Variants in DTWD1 observed in about 807,000 individuals in gnomAD.
The protein encoded by DTWD1 is tRNA-uridine aminocarboxypropyltransferase 1.
In DTWD1, 27 loss-of-function variants were observed where a neutral mutation model predicts 30.2. The ratio of observed to expected loss-of-function variants is 0.90; its 90% CI spans 0.66 to 1.23. The LOEUF (loss-of-function observed/expected upper bound fraction) is 1.23. Ranked by LOEUF, DTWD1 falls within the 50% of genes most tolerant of loss-of-function variation. The pLI, the probability that DTWD1 is intolerant of heterozygous loss-of-function variation, is 0.00. For missense variants in DTWD1, 342 were observed against 348.8 expected, an observed-to-expected ratio of 0.98 and a Z score of 0.15; for synonymous variants, 99 against 113.1, an observed-to-expected ratio of 0.88 and a Z score of 0.79.
At chr15:49,631,288 G>T (rs191217736) in intron 2 of DTWD1, among the ~76,000 whole-genome samples, 1 of 152,016 alleles carries the variant, frequency 6.6e-6, no homozygotes, top group Non-Finnish European at 1.5e-5. Context: ...CACCTCTTAG[G>T]TCTATTGTTA....
At position 49,625,298 on chromosome 15, in the gene DTWD1, A is replaced by G. The variant is rs2078826760; in HGVS notation, c.131A>G (p.Gln44Arg). Residue 44 changes from glutamine (Q) to arginine (R), a missense_variant, in exon 2 of 5, where the codon CAA becomes CGA. By Grantham distance (43) the Gln-to-Arg change is conservative. Coordinates refer to ENST00000403028, the MANE Select transcript of DTWD1 (RefSeq NM_001144955.2). ...CTTCAAAACTTATGTTTAGCATCTC[A>G]AGAAGTTCTTCAAAAAGCTCAGCAA... ...DPLQNLCLAS[Q>R]EVLQKAQQSG... The G allele has an allele frequency of 6.2e-7, 1 of 1,604,180 alleles. No homozygotes were observed.
rs905110897 is a variant in DTWD1, at chr15:49,653,097, G to C, written c.*9519G>C. The C allele has an allele frequency of 6.6e-6, 1 of 152,094 alleles. No homozygotes were observed. The highest frequency in any genetic ancestry group is 1.5e-5 in the Non-Finnish European group (1 of 68,024). The allele number at this position is 152,094 out of a possible 1,614,324, so 9.4% of individuals were successfully genotyped here. A position where few individuals can be genotyped will look rare whatever the true frequency, so the allele number is the denominator to read the frequency against. On this transcript the variant is annotated 3_prime_UTR_variant, in exon 5 of 5. Transcript: ENST00000403028. ...ATTCAGCAATAGATAACAGAAATTGGTATCAGGAGTGGGGTGTTACCATAA... is the reference window on the plus strand; with the variant it reads ...ATTCAGCAATAGATAACAGAAATTGCTATCAGGAGTGGGGTGTTACCATAA...
chr15:49,623,113 C>A (rs912755812), intron 1 of DTWD1, among the ~76,000 whole-genome samples: 6 of 152,198 alleles, frequency 3.9e-5, no homozygotes, highest in Non-Finnish European at 7.3e-5. Flanking sequence ...ACAGGAACTA[C>A]ATTTTTCAGT....
At position 49,652,419 on chromosome 15, in the gene DTWD1, A is replaced by C. The variant is rs1004730123; in HGVS notation, c.*8841A>C. The C allele has an allele frequency of 6.6e-6, 1 of 152,086 alleles. No individual in the cohort carries two copies. The highest frequency in any genetic ancestry group is 2.4e-5 in the African/African-American group (1 of 41,420). The allele number at this position is 152,086 out of a possible 1,614,324, so 9.4% of individuals were successfully genotyped here. A position where few individuals can be genotyped will look rare whatever the true frequency, so the allele number is the denominator to read the frequency against. ...TGGTGCCCAAGTGATAAACCTACCA[A>C]ATTGAGACTAATGTGTAGGTGTGGC... On this transcript the variant is annotated 3_prime_UTR_variant, in exon 5 of 5. Coordinates refer to ENST00000403028, the MANE Select transcript of DTWD1 (RefSeq NM_001144955.2).
intron 2 of DTWD1, among the ~76,000 whole-genome samples, chr15:49,628,373 T>G (rs1295280306): frequency 6.6e-6 from 1 of 152,258 alleles, no homozygotes; most frequent in African/African-American, 2.4e-5. Context: ...AGCAAATATA[T>G]AAACCAGTAA....
chr15:49,632,336 G>A (rs1313687633), intron 3 of DTWD1, 34 bp downstream of exon 3: 1 of 1,552,418 alleles, frequency 6.4e-7, no homozygotes, highest in Non-Finnish European at 8.6e-7. Context: ...TCTTCACATT[G>A]GATATAAAAA....
In DTWD1 at chr15:49,646,447, A is replaced by G. The variant is rs776030686; in HGVS notation, c.*2869A>G. The G allele has an allele frequency of 6.6e-6, 1 of 152,080 alleles. No homozygotes were observed. Among genetic ancestry groups the G allele is most frequent in the Non-Finnish European group, 1.5e-5 (1 of 68,042 alleles). 9.4% of individuals were successfully genotyped at this position (152,080 alleles called of 1,614,324 possible). On this transcript the variant is annotated 3_prime_UTR_variant, in exon 5 of 5. Transcript: ENST00000403028. ...AACAGATTACCAGCAGGTTTGTATG[A>G]TTCCTCTGCTTGAGATCAATTAGCC...
intron 2 of DTWD1, chr15:49,631,203 CCTT>C (rs2078916022): frequency 6.1e-6 from 1 of 163,942 alleles, no homozygotes; most frequent in African/African-American, 2.4e-5. Context: ...CGAAACCAGT[CCTT>C]CTTGGTGCCA....
Position 49,653,100 on chromosome 15 carries a change from T to C in DTWD1, c.*9522T>C, listed in dbSNP as rs1333181733. 6.6e-6 allele frequency: 1 copy of C among 152,136 alleles called. No individual in the cohort carries two copies. Among genetic ancestry groups the C allele is most frequent in the Non-Finnish European group, 1.5e-5 (1 of 68,016 alleles). 9.4% of individuals were successfully genotyped at this position (152,136 alleles called of 1,614,324 possible). ...CAGCAATAGATAACAGAAATTGGTATCAGGAGTGGGGTGTTACCATAACAA... is the reference window on the plus strand; with the variant it reads ...CAGCAATAGATAACAGAAATTGGTACCAGGAGTGGGGTGTTACCATAACAA... On this transcript the variant is annotated 3_prime_UTR_variant, in exon 5 of 5. Coordinates refer to ENST00000403028, the MANE Select transcript of DTWD1 (RefSeq NM_001144955.2).
chr15:49,622,318 C>A (rs910869163), intron 1 of DTWD1, among the ~76,000 whole-genome samples: 7 of 152,090 alleles, frequency 4.6e-5, no homozygotes, highest in African/African-American at 1.7e-4. Context: ...AATAAGTACT[C>A]AAAGAGGTTT....
At chr15:49,630,074 C>T (rs2078899134) in intron 2 of DTWD1, 1 of 152,046 alleles carries the variant, frequency 6.6e-6, no homozygotes, top group African/African-American at 2.4e-5. Context: ...TTATTCTTAG[C>T]TAAAGTCAAA....
rs539425229 is a variant in DTWD1 at position 49,643,845 on chromosome 15, A to G, written c.*267A>G. On this transcript the variant is annotated 3_prime_UTR_variant, in exon 5 of 5. Coordinates refer to ENST00000403028, the MANE Select transcript of DTWD1 (RefSeq NM_001144955.2). ...TTACTACATTTTAATATAGTGTGTTATGTCTCTGTGATTAGATATAACATA... is the reference window on the plus strand; with the variant it reads ...TTACTACATTTTAATATAGTGTGTTGTGTCTCTGTGATTAGATATAACATA... The G allele has an allele frequency of 1.3e-3, 356 of 267,998 alleles. 9 individuals are homozygous for G. The South Asian group carries it at 0.023, about 17-fold the overall frequency. The allele number at this position is 267,998 out of a possible 1,614,324, so 16.6% of individuals were successfully genotyped here.
rs895777983 is a variant in DTWD1 at position 49,647,491 on chromosome 15, A to G, written c.*3913A>G. 3 of 152,208 alleles carry G rather than the reference A, an allele frequency of 2.0e-5. No homozygotes were observed. The highest frequency in any genetic ancestry group is 4.4e-5 in the Non-Finnish European group (3 of 68,034). 9.4% of individuals were successfully genotyped at this position (152,208 alleles called of 1,614,324 possible). A position where few individuals can be genotyped will look rare whatever the true frequency, so the allele number is the denominator to read the frequency against. On this transcript the variant is annotated 3_prime_UTR_variant, in exon 5 of 5. Transcript: ENST00000403028. ...AATAAGCTGACTGTTATTAAGTACAATAGATAAGGTACCTAAGAGCCTCGA... is the reference window on the plus strand; with the variant it reads ...AATAAGCTGACTGTTATTAAGTACAGTAGATAAGGTACCTAAGAGCCTCGA...
In DTWD1 at chr15:49,652,515, A is replaced by G. The variant is rs2079158329; in HGVS notation, c.*8937A>G. On this transcript the variant is annotated 3_prime_UTR_variant, in exon 5 of 5. Coordinates refer to ENST00000403028, the MANE Select transcript of DTWD1 (RefSeq NM_001144955.2). ...AAGGAATGTGGGTCTGAATTATACC[A>G]GATAAACCACCAGGAGCAGCAGAGG... 2.0e-5 allele frequency: 3 copies of G among 150,188 alleles called. No individual in the cohort carries two copies. Among genetic ancestry groups the G allele is most frequent in the Non-Finnish European group, 4.4e-5 (3 of 68,086 alleles). 9.3% of individuals were successfully genotyped at this position (150,188 alleles called of 1,614,324 possible). A position where few individuals can be genotyped will look rare whatever the true frequency, so the allele number is the denominator to read the frequency against.
At chr15:49,635,771 G>A (rs1231592467) in intron 4 of DTWD1, among the ~76,000 whole-genome samples, 2 of 152,146 alleles carry the variant, frequency 1.3e-5, no homozygotes, top group Non-Finnish European at 2.9e-5. Flanking sequence ...TGGGATTACA[G>A]GTGTGAGCCA....
At chr15:49,628,767 A>G (rs1350225114) in intron 2 of DTWD1, among the ~76,000 whole-genome samples, 1 of 151,270 alleles carries the variant, frequency 6.6e-6, no homozygotes, top group Non-Finnish European at 1.5e-5. Context: ...TTTTTTTTTT[A>G]AACACAGTTA....
rs942965759 is a variant in DTWD1 at position 49,646,007 on chromosome 15, T to C, written c.*2429T>C. The C allele has an allele frequency of 6.6e-6, 1 of 152,180 alleles. No homozygotes were observed. Among genetic ancestry groups the C allele is most frequent in the Admixed American group, 6.5e-5 (1 of 15,274 alleles). 9.4% of individuals were successfully genotyped at this position (152,180 alleles called of 1,614,324 possible). On this transcript the variant is annotated 3_prime_UTR_variant, in exon 5 of 5. Transcript: ENST00000403028. ...CCACTGTGATTCTGGGTCATCTGCATTCAGAGATTTAGTGCATTTTTACTT... is the reference window on the plus strand; with the variant it reads ...CCACTGTGATTCTGGGTCATCTGCACTCAGAGATTTAGTGCATTTTTACTT...
chr15:49,625,027 G>C (rs2078821482), intron 1 of DTWD1, 86 bp from the exon 2 acceptor site: 24 of 825,908 alleles, frequency 2.9e-5, no homozygotes, highest in Non-Finnish European at 3.3e-5. Flanking sequence ...ACACAATTGT[G>C]ACTTAAATTG....
rs553922266 is a variant in DTWD1 at position 49,646,417 on chromosome 15, AT to A, written c.*2840del. On this transcript the variant is annotated 3_prime_UTR_variant, in exon 5 of 5. Transcript: ENST00000403028. ...TGCTTTGCCTTAGCTACCACCTCAT[AT>A]AGTAACAGATTACCAGCAGGTTTGT... 9 of 152,222 alleles carry A rather than the reference AT, an allele frequency of 5.9e-5. No individual in the cohort carries two copies. The South Asian group carries it at 1.9e-3, about 32-fold the overall frequency. 9.4% of individuals were successfully genotyped at this position (152,222 alleles called of 1,614,324 possible).
Sources: gnomAD v4.1 joint callset for allele counts (sites outside exome capture counted in the v4.1 genomes callset) on GRCh38, gnomAD v4.1.1 for gene constraint, MANE v1.5 for transcripts, NCBI Gene and HGNC (gene_info 2026-07-23, HGNC 2026-07-21) for gene names.